GLYATL3: variants seen among roughly 807,000 people sequenced by gnomAD.
GLYATL3 encodes the protein glycine N-acyltransferase-like protein 3.
A neutral mutation model predicts 28.5 loss-of-function variants in GLYATL3; 31 were observed. That is an observed-to-expected ratio of 1.09 (90% CI 0.82 to 1.47). The LOEUF (loss-of-function observed/expected upper bound fraction) is 1.47. GLYATL3 is among the 40% of genes most tolerant of loss of function. GLYATL3 has a pLI of 0.00. For synonymous variants in GLYATL3, 141 were observed against 140.2 expected (o/e 1.01, Z -0.04); for missense variants, 369 against 351.5 (o/e 1.05, Z -0.40).
chr6:49,526,365 A>T, intron 5 of GLYATL3, 123 bp from the exon 6 acceptor site: 1 of 763,772 alleles, frequency 1.3e-6, no homozygotes, highest in Non-Finnish European at 2.1e-6. Flanking sequence ...GTGAGCAGAG[A>T]TCACGCCACT....
intron 5 of GLYATL3, among the ~76,000 whole-genome samples, chr6:49,524,512 G>A (rs1769369092): frequency 6.6e-6 from 1 of 152,134 alleles, no homozygotes; most frequent in Admixed American, 6.5e-5. Context: ...TTGAGAAATT[G>A]CAGCAATTCT....
At chr6:49,520,375 G>T (rs1769293288) in intron 4 of GLYATL3, among the ~76,000 whole-genome samples, 1 of 152,108 alleles carries the variant, frequency 6.6e-6, no homozygotes, top group Non-Finnish European at 1.5e-5. Flanking sequence ...CACTTAGATG[G>T]AATTCAGTGT....
chr6:49,524,956 G>C (rs1446921973), intron 5 of GLYATL3, among the ~76,000 whole-genome samples: 48 of 122,900 alleles, frequency 3.9e-4, no homozygotes, highest in South Asian at 1.0e-3. Flanking sequence ...GCAACAATGC[G>C]AGACTCCCTC....
Position 49,527,959 on chromosome 6 carries a change from A to G in GLYATL3, c.*1045A>G, listed in dbSNP as rs1010861332. ...TTTCAAGATTATATTCTTTATAATC[A>G]GTACTGGAGGCAAAGCCAGAATGCT... On this transcript the variant is annotated 3_prime_UTR_variant, in exon 6 of 6. Transcript: ENST00000371197. Among the ~76,000 whole-genome samples the G allele has an allele frequency of 4.6e-5, 7 of 152,238 alleles. No homozygotes were observed. The highest frequency in any genetic ancestry group is 5.9e-5 in the Non-Finnish European group (4 of 68,046).
intron 1 of GLYATL3, among the ~76,000 whole-genome samples, chr6:49,504,410 T>A (rs1768972605): frequency 6.6e-6 from 1 of 152,118 alleles, no homozygotes; most frequent in Admixed American, 6.6e-5. Context: ...GCATAGCCTC[T>A]ACCCCACGTT....
In GLYATL3 at chr6:49,526,848, C is replaced by G. The variant is rs1278225926; in HGVS notation, c.801C>G (p.Phe267Leu). Residue 267 changes from phenylalanine (F) to leucine (L), a missense_variant, in exon 6 of 6, where the codon TTC becomes TTG. Coordinates refer to ENST00000371197, the MANE Select transcript of GLYATL3 (RefSeq NM_001010904.2). ...TCCTGAAGAGTCTCCATGCTGAGTT[C>G]TTGCCTTGTCGCTTCCACAGGCTTA... ...ISLLKSLHAEFLPCRFHRLIL... is the reference protein window; with the variant it reads ...ISLLKSLHAELLPCRFHRLIL... The G allele has an allele frequency of 6.4e-7, 1 of 1,551,814 alleles. No individual in the cohort carries two copies. The highest frequency in any genetic ancestry group is 1.2e-5 in the South Asian group (1 of 84,016).
chr6:49,516,520 A>C (rs1259865817), intron 3 of GLYATL3, among the ~76,000 whole-genome samples: 1 of 152,132 alleles, frequency 6.6e-6, no homozygotes, highest in Non-Finnish European at 1.5e-5. Context: ...TACCGTCCTG[A>C]CCACATTAGG....
intron 2 of GLYATL3, among the ~76,000 whole-genome samples, chr6:49,515,363 C>A (rs1182351378): frequency 6.6e-6 from 1 of 152,088 alleles, no homozygotes; most frequent in East Asian, 1.9e-4. Context: ...CAAGTACCCA[C>A]CTAGTAAGCC....
At chr6:49,511,837 C>T (rs1769127357) in intron 1 of GLYATL3, 126 bp from the exon 2 acceptor site, 3 of 477,186 alleles carry the variant, frequency 6.3e-6, no homozygotes, top group Non-Finnish European at 7.5e-6. Context: ...TTCCCTTTTC[C>T]CTCTTCAGGG....
chr6:49,510,160 A>C (rs1769095887), intron 1 of GLYATL3, among the ~76,000 whole-genome samples: 1 of 151,950 alleles, frequency 6.6e-6, no homozygotes, highest in Non-Finnish European at 1.5e-5. Flanking sequence ...CTCCTACCTC[A>C]GCCTCCCTAG....
chr6:49,505,723 A>G (rs1346051669), intron 1 of GLYATL3, among the ~76,000 whole-genome samples: 1 of 152,218 alleles, frequency 6.6e-6, no homozygotes, highest in Non-Finnish European at 1.5e-5. Context: ...AAAGCCAGAA[A>G]TTTTAGTGAC....
intron 2 of GLYATL3, among the ~76,000 whole-genome samples, chr6:49,512,280 CTTT>C (rs1561977576): frequency 9.0e-6 from 1 of 111,378 alleles, no homozygotes; most frequent in Non-Finnish European, 1.9e-5. Flanking sequence ...TTTTTTTTTT[CTTT>C]CTTTTTTTTT....
rs552362115 is a variant in GLYATL3 at position 49,525,208 on chromosome 6, TTTG to T, written c.441-1262_441-1260del. Among the ~76,000 whole-genome samples, 1,148 of 151,184 alleles carry T rather than the reference TTTG, an allele frequency of 7.6e-3. 7 individuals carry two copies. Among genetic ancestry groups the T allele is most frequent in the South Asian group, 0.015 (71 of 4,794 alleles). On this transcript the variant is annotated intron_variant, in intron 5 of 5. Transcript: ENST00000371197. The stretch of plus-strand genomic sequence containing the variant: ...CTAAATAAAAGCAATTCTGAGGGTT[TTTG>T]TTGTTGTTGTTGTTGTTTACAGAAA...
At position 49,517,569 on chromosome 6, in the gene GLYATL3, G is replaced by A; in HGVS notation, c.313+13G>A. The stretch of plus-strand genomic sequence containing the variant: ...TTTCAAATACAAGGTGAGGTCAAGT[G>A]CAAGACTTATATTACACAGTCTTTT... On this transcript the variant is annotated intron_variant, in intron 4 of 5. Coordinates refer to ENST00000371197, the MANE Select transcript of GLYATL3 (RefSeq NM_001010904.2). 6.5e-7 allele frequency: 1 copy of A among 1,545,144 alleles called. No homozygotes were observed. The highest frequency in any genetic ancestry group is 2.0e-5 in the Admixed American group (1 of 50,278).
Position 49,526,950 on chromosome 6 carries a change from C to CT in GLYATL3, c.*37dup. On this transcript the variant is annotated 3_prime_UTR_variant, in exon 6 of 6. Coordinates refer to ENST00000371197, the MANE Select transcript of GLYATL3 (RefSeq NM_001010904.2). ...AACTGCAGTGGTTTTATTACTTTCC[C>CT]TGAGCATACACACACTCTTGGCTGC... 1 of 1,411,170 alleles carries CT rather than the reference C, an allele frequency of 7.1e-7. No individual in the cohort carries two copies. The highest frequency in any genetic ancestry group is 9.4e-7 in the Non-Finnish European group (1 of 1,060,356). The allele number at this position is 1,411,170 out of a possible 1,614,324, so 87.4% of individuals were successfully genotyped here. A position where few individuals can be genotyped will look rare whatever the true frequency, so the allele number is the denominator to read the frequency against.
chr6:49,507,047 A>G (rs556105972), intron 1 of GLYATL3, among the ~76,000 whole-genome samples: 3 of 152,250 alleles, frequency 2.0e-5, no homozygotes, highest in African/African-American at 7.2e-5. Flanking sequence ...GTAGAAGAAG[A>G]GTTAACATAT....
At chr6:49,504,166 C>T (rs1768966358) in intron 1 of GLYATL3, among the ~76,000 whole-genome samples, 1 of 151,600 alleles carries the variant, frequency 6.6e-6, no homozygotes. Context: ...GCAAGTTGTT[C>T]AGGATGGCTG....
At chr6:49,504,095 G>C (rs545966916) in intron 1 of GLYATL3, among the ~76,000 whole-genome samples, 59 of 152,218 alleles carry the variant, frequency 3.9e-4, no homozygotes, top group South Asian at 1.0e-3. Context: ...GGTGACAGAG[G>C]GTAAAAGGAT....
At chr6:49,503,949 G>C (rs115295946) in intron 1 of GLYATL3, among the ~76,000 whole-genome samples, 11 of 152,184 alleles carry the variant, frequency 7.2e-5, no homozygotes, top group Non-Finnish European at 1.3e-4. Flanking sequence ...GCAGGACAAC[G>C]ATCGTCTACA....
Sources: allele counts gnomAD v4.1 joint callset (sites outside exome capture counted in the v4.1 genomes callset), GRCh38; gene constraint gnomAD v4.1.1; transcripts MANE v1.5; gene names NCBI Gene and HGNC (gene_info 2026-07-23, HGNC 2026-07-21).